Variants in ANO4 observed in about 807,000 individuals in gnomAD.
ANO4 encodes anoctamin-4.
ANO4 carries 69 observed loss-of-function variants against 141.9 expected under a neutral mutation model. The observed-to-expected ratio is 0.49, with a 90% CI of 0.40 to 0.59. ANO4 has a LOEUF of 0.59. Among genes scored for constraint, ANO4 ranks in the 20% least tolerant of loss-of-function variants. The pLI, the probability that ANO4 is intolerant of heterozygous loss-of-function variation, is 0.00. For synonymous variants in ANO4, 350 were observed against 394.3 expected, an observed-to-expected ratio of 0.89 and a Z score of 1.33; for missense variants, 894 against 1,162.2, an observed-to-expected ratio of 0.77 and a Z score of 3.36.
chr12:101,103,213 A>C (rs1440065303), intron 22 of ANO4, among the ~76,000 whole-genome samples: 2 of 82,638 alleles, frequency 2.4e-5, no homozygotes, highest in Non-Finnish European at 5.6e-5. Flanking sequence ...ATATATATAT[A>C]TATATATATA....
intron 1 of ANO4, among the ~76,000 whole-genome samples, chr12:100,839,586 A>G (rs765896107): frequency 2.5e-4 from 38 of 152,186 alleles, no homozygotes; most frequent in Non-Finnish European, 5.9e-5. Flanking sequence ...GCAATGGGGT[A>G]TCTTACAATC....
At chr12:101,063,395 TAGG>T (rs2048431411) in intron 14 of ANO4, among the ~76,000 whole-genome samples, 2 of 152,250 alleles carry the variant, frequency 1.3e-5, no homozygotes, top group Admixed American at 1.3e-4. Flanking sequence ...TATGAAATAA[TAGG>T]ATGATCTTGC....
rs757397169 is a variant in ANO4, at chr12:101,042,487, T to C, written c.1154+19T>C. The stretch of plus-strand genomic sequence containing the variant: ...AAGTCAGGTACGGGGAGCTCTTGGA[T>C]GAGTTTGCCTTTGTTTAGTACTTAG... On this transcript the variant is annotated intron_variant, in intron 12 of 27. Transcript: ENST00000392977. 3.7e-6 allele frequency: 6 copies of C among 1,613,320 alleles called. No individual in the cohort carries two copies. The highest frequency in any genetic ancestry group is 5.1e-6 in the Non-Finnish European group (6 of 1,179,492).
chr12:101,046,078 C>G (rs2047619040), intron 13 of ANO4, among the ~76,000 whole-genome samples: 1 of 152,258 alleles, frequency 6.6e-6, no homozygotes, highest in Admixed American at 6.5e-5. Context: ...TAGTGAGTTA[C>G]AGAGAGGACA....
chr12:100,991,957 C>T (rs1395742484), intron 8 of ANO4, among the ~76,000 whole-genome samples: 1 of 152,160 alleles, frequency 6.6e-6, no homozygotes, highest in Non-Finnish European at 1.5e-5. Context: ...GTAAACAGCA[C>T]TAATATTTGT....
intron 5 of ANO4, among the ~76,000 whole-genome samples, chr12:100,945,958 G>A (rs1019434625): frequency 6.6e-6 from 1 of 152,152 alleles, no homozygotes; most frequent in Non-Finnish European, 1.5e-5. Flanking sequence ...CAAAAAATAT[G>A]TACAACATAT....
chr12:100,781,293 CATT>C, intron 3 of ANO4, among the ~76,000 whole-genome samples: 1 of 152,172 alleles, frequency 6.6e-6, no homozygotes, highest in African/African-American at 2.4e-5. Flanking sequence ...GCTCAGTAGA[CATT>C]TACTCACTGC....
chr12:100,779,118 T>C (rs188093997), intron 3 of ANO4, among the ~76,000 whole-genome samples: 1 of 152,218 alleles, frequency 6.6e-6, no homozygotes, highest in Admixed American at 6.5e-5. Flanking sequence ...TATGCATATA[T>C]TCCTGGGCCA....
At chr12:100,876,091 T>G (rs375187454) in intron 1 of ANO4, among the ~76,000 whole-genome samples, 1 of 152,154 alleles carries the variant, frequency 6.6e-6, no homozygotes, top group Non-Finnish European at 1.5e-5. Context: ...GTCTTGAAAT[T>G]TTTAATAAAT....
intron 2 of ANO4, among the ~76,000 whole-genome samples, chr12:100,919,348 G>A (rs1303319666): frequency 6.6e-6 from 1 of 152,090 alleles, no homozygotes; most frequent in Non-Finnish European, 1.5e-5. Context: ...ATTCCTGCAA[G>A]CTCCATTCAT....
At chr12:100,857,914 A>C (rs2038266018) in intron 1 of ANO4, among the ~76,000 whole-genome samples, 1 of 152,224 alleles carries the variant, frequency 6.6e-6, no homozygotes. Context: ...GATAATATTC[A>C]AACCTCATTT....
At position 101,079,283 on chromosome 12, in the gene ANO4, T is replaced by G. The variant is rs751627407; in HGVS notation, c.1395+8T>G. ...GACTGGGAAGAAGAGGAGGTTTGTATCATTTACCTCAGAATGTTGTAAAAA... is the reference window on the plus strand; with the variant it reads ...GACTGGGAAGAAGAGGAGGTTTGTAGCATTTACCTCAGAATGTTGTAAAAA... On this transcript the variant is annotated splice_region_variant and intron_variant, in intron 15 of 27. Coordinates refer to ENST00000392977, the MANE Select transcript of ANO4 (RefSeq NM_001286615.2). 1.2e-6 allele frequency: 2 copies of G among 1,609,156 alleles called. No individual in the cohort carries two copies. The highest frequency in any genetic ancestry group is 2.2e-5 in the South Asian group (2 of 90,924).
At chr12:101,019,751 A>G (rs2046449237) in intron 8 of ANO4, among the ~76,000 whole-genome samples, 1 of 152,194 alleles carries the variant, frequency 6.6e-6, no homozygotes, top group African/African-American at 2.4e-5. Flanking sequence ...AAAAAACAAG[A>G]TACAAGACCT....
At chr12:100,795,904 G>A (rs2034282059) in intron 1 of ANO4, among the ~76,000 whole-genome samples, 1 of 152,108 alleles carries the variant, frequency 6.6e-6, no homozygotes, top group Non-Finnish European at 1.5e-5. Flanking sequence ...TTTTCACCTG[G>A]TCTCCTGAGG....
At chr12:101,083,584 T>C in intron 15 of ANO4, 94 bp from the exon 16 acceptor site, 3 of 1,449,048 alleles carry the variant, frequency 2.1e-6, no homozygotes, top group Non-Finnish European at 2.8e-6. Flanking sequence ...GTGGCAGCTG[T>C]TGACTCTGTT....
At chr12:100,918,655 G>C (rs552270965) in intron 2 of ANO4, among the ~76,000 whole-genome samples, 1 of 152,004 alleles carries the variant, frequency 6.6e-6, no homozygotes, top group Non-Finnish European at 1.5e-5. Context: ...TGGTGATGCC[G>C]GTGTAAACAA....
At chr12:100,870,123 T>C (rs2038958562) in intron 1 of ANO4, among the ~76,000 whole-genome samples, 1 of 152,148 alleles carries the variant, frequency 6.6e-6, no homozygotes, top group African/African-American at 2.4e-5. Flanking sequence ...CCAGTGATGA[T>C]GAGGAGCAGT....
chr12:100,990,394 A>G (rs1379099630), intron 8 of ANO4, among the ~76,000 whole-genome samples: 1 of 152,166 alleles, frequency 6.6e-6, no homozygotes, highest in African/African-American at 2.4e-5. Context: ...ACCCAGTAGA[A>G]TTTCTAGGGA....
At chr12:100,760,812 A>G (rs1380147867) in intron 3 of ANO4, among the ~76,000 whole-genome samples, 1 of 152,198 alleles carries the variant, frequency 6.6e-6, no homozygotes, top group Non-Finnish European at 1.5e-5. Context: ...CAAATACTCA[A>G]GCTGGCTTGC....
Sources: allele counts gnomAD v4.1 joint callset (sites outside exome capture counted in the v4.1 genomes callset), GRCh38; gene constraint gnomAD v4.1.1; transcripts MANE v1.5; gene names NCBI Gene and HGNC (gene_info 2026-07-23, HGNC 2026-07-21).